Variants in MESP2 observed in about 807,000 individuals in gnomAD.
The protein encoded by MESP2 is mesoderm posterior protein 2.
MESP2 carries 34 observed loss-of-function variants against 37.8 expected under a neutral mutation model. That is an observed-to-expected ratio of 0.90 (90% CI 0.68 to 1.20). The LOEUF (loss-of-function observed/expected upper bound fraction) is 1.20, where lower values mean the gene tolerates loss of function less well. MESP2 is among the 50% of genes most tolerant of loss of function. The pLI is 0.00. For missense variants in MESP2, 646 were observed against 545.3 expected, an observed-to-expected ratio of 1.18 and a Z score of -1.84; for synonymous variants, 303 against 251.6, an observed-to-expected ratio of 1.20 and a Z score of -1.93.
At position 89,776,769 on chromosome 15, in the gene MESP2, G is replaced by T. The variant is rs28462216; in HGVS notation, c.412G>T (p.Val138Leu). 2.0e-6 allele frequency: 3 copies of T among 1,531,166 alleles called. No homozygotes were observed. The highest frequency in any genetic ancestry group is 2.6e-6 in the Non-Finnish European group (3 of 1,145,466). The allele number at this position is 1,531,166 out of a possible 1,614,324, so 94.8% of individuals were successfully genotyped here. ...CCGCTACATCGGCCACCTATCGGCC[G>T]TGCTGGGTCTCAGCGAGGAGAGTCT... The part of the protein sequence containing the change: ...AIRYIGHLSA[V>L]LGLSEESLQC... The change falls in exon 1 of 2, where the codon GTG (valine) becomes TTG (leucine). Residue 138 changes from valine to leucine, a missense_variant. By Grantham distance (32) the Val-to-Leu change is conservative (BLOSUM62 1). Coordinates refer to ENST00000341735, the MANE Select transcript of MESP2 (RefSeq NM_001039958.2).
intron 1 of MESP2, 78 bp downstream of exon 1, chr15:89,777,359 C>A: frequency 6.9e-7 from 1 of 1,445,460 alleles, no homozygotes; most frequent in South Asian, 1.3e-5. Flanking sequence ...CCCAGCTTAT[C>A]TACTCCAGGA....
In MESP2 at chr15:89,777,941, G is replaced by C; in HGVS notation, c.925-124G>C. The C allele has an allele frequency of 3.6e-6, 5 of 1,375,908 alleles. No homozygotes were observed. The Admixed American group carries it at 6.9e-5, about 19-fold the overall frequency. 85.2% of individuals were successfully genotyped at this position (1,375,908 alleles called of 1,614,324 possible). A position where few individuals can be genotyped will look rare whatever the true frequency, so the allele number is the denominator to read the frequency against. On this transcript the variant is annotated intron_variant, in intron 1 of 1. Coordinates refer to ENST00000341735, the MANE Select transcript of MESP2 (RefSeq NM_001039958.2). The stretch of plus-strand genomic sequence containing the variant: ...CCAGTCCTCTTAACCACTTGGCTTT[G>C]CTGCATTCATGGCACCAGGGCTGTC...
At position 89,778,139 on chromosome 15, in the gene MESP2, A is replaced by C; in HGVS notation, c.999A>C (p.Arg333Ser). The part of the protein sequence containing the change: ...PSLLPHPSCQ[R>S]LQPQTPGRCW... Reference sequence around the variant, plus strand: ...TCCTGCCCCACCCATCATGCCAGAGACTGCAGCCTCAGACCCCCGGGAGGT... The same window carrying C: ...TCCTGCCCCACCCATCATGCCAGAGCCTGCAGCCTCAGACCCCCGGGAGGT... The change falls in exon 2 of 2, where the codon AGA becomes AGC. Residue 333 changes from arginine (R) to serine (S), a missense_variant. Physicochemically the swap from Arg to Ser is moderately radical, Grantham distance 110 (BLOSUM62 -1). Coordinates refer to ENST00000341735, the MANE Select transcript of MESP2 (RefSeq NM_001039958.2). The C allele has an allele frequency of 6.2e-7, 1 of 1,613,644 alleles. No homozygotes were observed.
Position 89,777,012 on chromosome 15 carries a change from T to C in MESP2, c.655T>C (p.Ser219Pro). The C allele has an allele frequency of 6.9e-6, 11 of 1,583,182 alleles. No homozygotes were observed. The highest frequency in any genetic ancestry group is 9.4e-6 in the Non-Finnish European group (11 of 1,166,150). Residue 219 changes from serine (S) to proline (P), a missense_variant, in exon 1 of 2, where the codon TCC (serine) becomes CCC (proline). Coordinates refer to ENST00000341735, the MANE Select transcript of MESP2 (RefSeq NM_001039958.2). ...GGTCTCCGCCGTCCTCGCCGAGGCG[T>C]CCTGGGGATCCCCGTCCGCCTGCCC... ...GLVSAVLAEA[S>P]WGSPSACPGA...
rs762067626 is a variant in MESP2 at position 89,776,607 on chromosome 15, C to T, written c.250C>T (p.Gln84Ter). ...ARTGPAGGQR[Q>*]SASEREKLRM... The stretch of plus-strand genomic sequence containing the variant: ...CACCGGACCAGCGGGCGGACAGCGG[C>T]AGAGCGCCAGCGAGCGGGAGAAACT... The change falls in exon 1 of 2, where the codon CAG (glutamine) becomes TAG (stop). Residue 84 changes from glutamine to a stop codon, truncating the protein, a stop_gained. Coordinates refer to ENST00000341735, the MANE Select transcript of MESP2 (RefSeq NM_001039958.2). LOFTEE classifies it high-confidence loss of function. The T allele has an allele frequency of 1.3e-6, 2 of 1,521,562 alleles. No individual in the cohort carries two copies. Among genetic ancestry groups the T allele is most frequent in the East Asian group, 2.6e-5 (1 of 38,738 alleles). The allele number at this position is 1,521,562 out of a possible 1,614,324, so 94.3% of individuals were successfully genotyped here. A position where few individuals can be genotyped will look rare whatever the true frequency, so the allele number is the denominator to read the frequency against.
rs374604155 is a variant in MESP2 at position 89,776,874 on chromosome 15, G to T, written c.517G>T (p.Ala173Ser). 1.2e-5 allele frequency: 17 copies of T among 1,459,250 alleles called. No individual in the cohort carries two copies. In the Middle Eastern group the frequency reaches 6.7e-4, roughly 57 times the overall value. The allele number at this position is 1,459,250 out of a possible 1,614,324, so 90.4% of individuals were successfully genotyped here. Reference protein sequence around the residue: ...PLCPDRGPAEAQTQAEGQGQG... With the variant: ...PLCPDRGPAESQTQAEGQGQG... ...GTGCCCCGACCGTGGCCCCGCAGAG[G>T]CGCAGACGCAGGCGGAGGGGCAGGG... The change falls in exon 1 of 2, where the codon GCG becomes TCG. Residue 173 changes from alanine to serine, a missense_variant. Physicochemically the swap from Ala to Ser is moderately conservative, Grantham distance 99 (BLOSUM62 1). Transcript: ENST00000341735.
In MESP2 at chr15:89,776,889, G is replaced by A; in HGVS notation, c.532G>A (p.Glu178Lys). 28 of 1,449,248 alleles carry A rather than the reference G, an allele frequency of 1.9e-5. No individual in the cohort carries two copies. The highest frequency in any genetic ancestry group is 2.5e-5 in the Non-Finnish European group (28 of 1,105,366). 89.8% of individuals were successfully genotyped at this position (1,449,248 alleles called of 1,614,324 possible). A position where few individuals can be genotyped will look rare whatever the true frequency, so the allele number is the denominator to read the frequency against. ...CCCCGCAGAGGCGCAGACGCAGGCG[G>A]AGGGGCAGGGGCAAGGGCAGGGGCA... ...RGPAEAQTQA[E>K]GQGQGQGQGQ... Residue 178 changes from glutamate (E) to lysine (K), a missense_variant, in exon 1 of 2, where the codon GAG (glutamate) becomes AAG (lysine). Glu to Lys is a moderately conservative substitution (Grantham distance 56, BLOSUM62 1). Coordinates refer to ENST00000341735, the MANE Select transcript of MESP2 (RefSeq NM_001039958.2).
chr15:89,778,581 AGCT>A lies in MESP2; in HGVS notation c.*251_*253del. On this transcript the variant is annotated 3_prime_UTR_variant, in exon 2 of 2. Coordinates refer to ENST00000341735, the MANE Select transcript of MESP2 (RefSeq NM_001039958.2). ...CTGGCGCTCTGCAGAGCACAGTCTG[AGCT>A]GCTCTAAGAAGGGGTCTCCTTTACC... The A allele has an allele frequency of 1.8e-6, 1 of 565,514 alleles. No individual in the cohort carries two copies. The highest frequency in any genetic ancestry group is 3.1e-6 in the Non-Finnish European group (1 of 318,016). The allele number at this position is 565,514 out of a possible 1,614,324, so 35.0% of individuals were successfully genotyped here.
Position 89,776,831 on chromosome 15 carries a change from C to T in MESP2, c.474C>T (p.Ser158=). ...CRRRQRGDAG[S]PWGCPLCPDR... is the part of the protein sequence containing the mutation. ...GCAGGCAGCGCGGGGACGCGGGGTC[C>T]CCTTGGGGCTGCCCGCTGTGCCCCG... is the stretch of plus-strand genomic sequence containing the variant. The change falls in exon 1 of 2, where the codon TCC becomes TCT. Residue 158 remains serine, a synonymous_variant. Transcript: ENST00000341735. 6.9e-7 allele frequency: 1 copy of T among 1,458,082 alleles called. No homozygotes were observed. Among genetic ancestry groups the T allele is most frequent in the South Asian group, 1.4e-5 (1 of 68,970 alleles). The allele number at this position is 1,458,082 out of a possible 1,614,324, so 90.3% of individuals were successfully genotyped here.
At position 89,778,348 on chromosome 15, in the gene MESP2, C is replaced by T. The variant is rs976784144; in HGVS notation, c.*14C>T. The T allele has an allele frequency of 6.2e-7, 1 of 1,613,014 alleles. No homozygotes were observed. Among genetic ancestry groups the T allele is most frequent in the Non-Finnish European group, 8.5e-7 (1 of 1,180,024 alleles). On this transcript the variant is annotated 3_prime_UTR_variant, in exon 2 of 2. Transcript: ENST00000341735. ...ATCTTCTACTAAATGGCCTCGGCTT[C>T]CCTCTTTCCATCCAGGAATCAGTCC... is the stretch of plus-strand genomic sequence containing the variant.
chr15:89,777,171 T>A lies in MESP2; in HGVS notation c.814T>A (p.Trp272Arg). ...AGGGACAACCTCCGACGCGTCTCTT[T>A]GGACGCCACCCCAAGGCTGTCCCTG... ...SQGTTSDASL[W>R]TPPQGCPWTQ... The change falls in exon 1 of 2, where the codon TGG (tryptophan) becomes AGG (arginine). Residue 272 changes from tryptophan (W) to arginine (R), a missense_variant. Physicochemically the swap from Trp to Arg is moderately radical, Grantham distance 101. Transcript: ENST00000341735. 6.2e-7 allele frequency: 1 copy of A among 1,612,972 alleles called. No individual in the cohort carries two copies. Among genetic ancestry groups the A allele is most frequent in the Non-Finnish European group, 8.5e-7 (1 of 1,179,984 alleles).
At position 89,777,075 on chromosome 15, in the gene MESP2, G is replaced by A. The variant is rs1968380875; in HGVS notation, c.718G>A (p.Val240Ile). ...QAAPERLGRG[V>I]HDTDPWATPP... ...CGCACCCGAGCGCCTGGGGAGGGGG[G>A]TCCACGACACGGATCCCTGGGCAAC... Residue 240 changes from valine (V) to isoleucine (I), a missense_variant, in exon 1 of 2, where the codon GTC becomes ATC. Physicochemically the swap from Val to Ile is conservative, Grantham distance 29. Transcript: ENST00000341735. 2 of 1,611,396 alleles carry A rather than the reference G, an allele frequency of 1.2e-6. No homozygotes were observed. Among genetic ancestry groups the A allele is most frequent in the African/African-American group, 1.3e-5 (1 of 74,980 alleles).
At position 89,778,158 on chromosome 15, in the gene MESP2, G is replaced by A. The variant is rs780062393; in HGVS notation, c.1018G>A (p.Gly340Arg). The change falls in exon 2 of 2, where the codon GGG becomes AGG. Residue 340 changes from glycine (G) to arginine (R), a missense_variant. By Grantham distance (125) the Gly-to-Arg change is moderately radical. Coordinates refer to ENST00000341735, the MANE Select transcript of MESP2 (RefSeq NM_001039958.2). ...CCAGAGACTGCAGCCTCAGACCCCC[G>A]GGAGGTGCTGGAGCCACAGTGCAGA... ...SCQRLQPQTPGRCWSHSAEVV... is the reference protein window; with the variant it reads ...SCQRLQPQTPRRCWSHSAEVV... 23 of 1,613,548 alleles carry A rather than the reference G, an allele frequency of 1.4e-5. No homozygotes were observed. Among genetic ancestry groups the A allele is most frequent in the East Asian group, 4.5e-5 (2 of 44,876 alleles).
Position 89,777,026 on chromosome 15 carries a change from G to T in MESP2, c.669G>T (p.Pro223=). ...AVLAEASWGS[P]SACPGAQAAP... is the part of the protein sequence containing the mutation. ...TCGCCGAGGCGTCCTGGGGATCCCCGTCCGCCTGCCCCGGAGCCCAAGCCG... is the reference window on the plus strand; with the variant it reads ...TCGCCGAGGCGTCCTGGGGATCCCCTTCCGCCTGCCCCGGAGCCCAAGCCG... The change falls in exon 1 of 2, where the codon CCG becomes CCT. Residue 223 remains proline, a synonymous_variant. Coordinates refer to ENST00000341735, the MANE Select transcript of MESP2 (RefSeq NM_001039958.2). The T allele has an allele frequency of 6.3e-7, 1 of 1,591,944 alleles. No homozygotes were observed. The highest frequency in any genetic ancestry group is 8.5e-7 in the Non-Finnish European group (1 of 1,170,736).
Position 89,776,522 on chromosome 15 carries a change from G to A in MESP2, c.165G>A (p.Gln55=), listed in dbSNP as rs1305331185. ...GCGCCCGCGGACTCCCGCAGCCACA[G>A]CCTCCGAGCTGCAGCTCCCGAGCCG... The part of the protein sequence containing the change: ...CDGARGLPQP[Q]PPSCSSRAAE... The change falls in exon 1 of 2, where the codon CAG becomes CAA. Residue 55 remains glutamine, a synonymous_variant. Transcript: ENST00000341735. 2 of 1,533,106 alleles carry A rather than the reference G, an allele frequency of 1.3e-6. No homozygotes were observed. Among genetic ancestry groups the A allele is most frequent in the Non-Finnish European group, 1.7e-6 (2 of 1,145,636 alleles). The allele number at this position is 1,533,106 out of a possible 1,614,324, so 95.0% of individuals were successfully genotyped here. A position where few individuals can be genotyped will look rare whatever the true frequency, so the allele number is the denominator to read the frequency against.
rs781561296 is a variant in MESP2, at chr15:89,777,070, G to A, written c.713G>A (p.Arg238Lys). ...CAAGCCGCACCCGAGCGCCTGGGGA[G>A]GGGGGTCCACGACACGGATCCCTGG... ...GAQAAPERLG[R>K]GVHDTDPWAT... is the part of the protein sequence containing the mutation. The change falls in exon 1 of 2, where the codon AGG becomes AAG. Residue 238 changes from arginine to lysine, a missense_variant. Transcript: ENST00000341735. The A allele has an allele frequency of 3.7e-6, 6 of 1,610,806 alleles. No homozygotes were observed. The Admixed American group carries it at 5.0e-5, about 13-fold the overall frequency.
intron 1 of MESP2, among the ~76,000 whole-genome samples, chr15:89,777,723 C>T (rs1968390099): frequency 6.6e-6 from 1 of 152,194 alleles, no homozygotes; most frequent in African/African-American, 2.4e-5. Context: ...TTGTTGAACA[C>T]TTTCTATGTG....
rs1218757887 is a variant in MESP2, at chr15:89,776,750, C to CATCGGCCACCT, written c.401_411dup (p.Val138ThrfsTer347). ...AGACGCTGCGCCTGGCCATCCGCTA[C>CATCGGCCACCT]ATCGGCCACCTATCGGCCGTGCTGG... On this transcript the variant is annotated frameshift_variant, in exon 1 of 2. Coordinates refer to ENST00000341735, the MANE Select transcript of MESP2 (RefSeq NM_001039958.2). LOFTEE classifies it high-confidence loss of function. 2 of 1,546,676 alleles carry CATCGGCCACCT rather than the reference C, an allele frequency of 1.3e-6. No homozygotes were observed. Among genetic ancestry groups the CATCGGCCACCT allele is most frequent in the Non-Finnish European group, 1.7e-6 (2 of 1,153,010 alleles).
rs759211132 is a variant in MESP2, at chr15:89,777,038, C to G, written c.681C>G (p.Pro227=). ...CCTGGGGATCCCCGTCCGCCTGCCC[C>G]GGAGCCCAAGCCGCACCCGAGCGCC... ...EASWGSPSAC[P]GAQAAPERLG... Residue 227 remains proline, a synonymous_variant, in exon 1 of 2, where the codon CCC becomes CCG. Transcript: ENST00000341735. The G allele has an allele frequency of 6.3e-7, 1 of 1,599,692 alleles. No homozygotes were observed. Among genetic ancestry groups the G allele is most frequent in the Non-Finnish European group, 8.5e-7 (1 of 1,174,718 alleles).
Sources: gnomAD v4.1 joint callset for allele counts (sites outside exome capture counted in the v4.1 genomes callset) on GRCh38, gnomAD v4.1.1 for gene constraint, MANE v1.5 for transcripts, NCBI Gene and HGNC (gene_info 2026-07-23, HGNC 2026-07-21) for gene names.